KPNB1: variants seen among roughly 807,000 people sequenced by gnomAD.
KPNB1 encodes importin subunit beta-1.
A neutral mutation model predicts 113.0 loss-of-function variants in KPNB1; 7 were observed. The ratio of observed to expected loss-of-function variants is 0.06; its 90% confidence interval spans 0.04 to 0.12. The LOEUF is 0.12. KPNB1 is among the 10% of genes least tolerant of loss of function. KPNB1 has a pLI of 1.00. For synonymous variants in KPNB1, 363 were observed against 378.6 expected, an observed-to-expected ratio of 0.96 and a Z score of 0.48; for missense variants, 400 against 1,054.8, an observed-to-expected ratio of 0.38 and a Z score of 8.60.
chr17:47,666,394 TTGTGTGTGTG>T (rs140549997), intron 9 of KPNB1, among the ~76,000 whole-genome samples: 4 of 139,652 alleles, frequency 2.9e-5, no homozygotes, highest in Admixed American at 7.5e-5. Flanking sequence ...GTCTTTACTT[TTGTGTGTGTG>T]TGTGTGTGTG....
At position 47,658,582 on chromosome 17, in the gene KPNB1, T is replaced by G. The variant is rs778070866; in HGVS notation, c.558T>G (p.Pro186=). ...AIIQGMRKEE[P]SNNVKLAATN... is the part of the protein sequence containing the mutation. ...TCCAGGGGATGAGGAAAGAAGAGCC[T>G]AGTAATAATGTGAAGCTAGCTGCTA... Residue 186 remains proline (P), a synonymous_variant, in exon 5 of 22, where the codon CCT becomes CCG. Coordinates refer to ENST00000290158, the MANE Select transcript of KPNB1 (RefSeq NM_002265.6). 1.9e-6 allele frequency: 3 copies of G among 1,613,912 alleles called. No homozygotes were observed. Among genetic ancestry groups the G allele is most frequent in the Non-Finnish European group, 2.5e-6 (3 of 1,179,972 alleles).
In KPNB1 at chr17:47,650,457, C is replaced by A; in HGVS notation, c.99+13C>A. 6.3e-7 allele frequency: 1 copy of A among 1,596,676 alleles called. No homozygotes were observed. Among genetic ancestry groups the A allele is most frequent in the Non-Finnish European group, 8.5e-7 (1 of 1,173,230 alleles). On this transcript the variant is annotated intron_variant, in intron 2 of 21. Coordinates refer to ENST00000290158, the MANE Select transcript of KPNB1 (RefSeq NM_002265.6). ...CGTGGAGAACCTGGTGCGTGCTACC[C>A]CGCCGCGCCCATCCCGCCGCGTCCC...
intron 14 of KPNB1, chr17:47,673,769 A>T (rs1031173627): frequency 3.5e-6 from 2 of 568,100 alleles, no homozygotes; most frequent in Non-Finnish European, 6.3e-6. Context: ...TTCAAATCCT[A>T]CTTATTTACA....
chr17:47,654,622 A>G (rs1043442852), intron 3 of KPNB1, among the ~76,000 whole-genome samples: 4 of 152,076 alleles, frequency 2.6e-5, no homozygotes, highest in African/African-American at 9.7e-5. Context: ...ATAATTGAAT[A>G]TTACTATTAA....
At position 47,684,396 on chromosome 17, in the gene KPNB1, A is replaced by C. The variant is rs1182507446; in HGVS notation, c.*1992A>C. 6.6e-6 allele frequency: 1 copy of C among 152,060 alleles called. No individual in the cohort carries two copies. The highest frequency in any genetic ancestry group is 1.9e-4 in the East Asian group (1 of 5,198). The allele number at this position is 152,060 out of a possible 1,614,324, so 9.4% of individuals were successfully genotyped here. A position where few individuals can be genotyped will look rare whatever the true frequency, so the allele number is the denominator to read the frequency against. On this transcript the variant is annotated 3_prime_UTR_variant, in exon 22 of 22. Coordinates refer to ENST00000290158, the MANE Select transcript of KPNB1 (RefSeq NM_002265.6). The stretch of plus-strand genomic sequence containing the variant: ...TTGAAGGAGAGACGCTCCATTGTGA[A>C]TAAAGAGCTCATACCAGCTCCTAAG...
At chr17:47,654,242 C>T (rs1412038663) in intron 3 of KPNB1, among the ~76,000 whole-genome samples, 1 of 152,094 alleles carries the variant, frequency 6.6e-6, no homozygotes, top group African/African-American at 2.4e-5. Flanking sequence ...TGGCGAAACC[C>T]TGTCTCTACT....
intron 9 of KPNB1, among the ~76,000 whole-genome samples, chr17:47,666,001 G>A (rs547867210): frequency 2.6e-5 from 4 of 152,206 alleles, no homozygotes; most frequent in African/African-American, 2.4e-5. Context: ...AAAATGAACT[G>A]GGTGTTCCCT....
At position 47,675,371 on chromosome 17, in the gene KPNB1, TGTTTTTTTTTTTTGTTTG is replaced by T. The variant is rs1278395789; in HGVS notation, c.1912+590_1912+607del. The stretch of plus-strand genomic sequence containing the variant: ...ATTGGCAGAGGTGTTGTTTTTTTTT[TGTTTTTTTTTTTTGTTTG>T]TTTTTTTTTTGAGACTTGTTCTGTT... On this transcript the variant is annotated intron_variant, in intron 15 of 21. Transcript: ENST00000290158. Among the ~76,000 whole-genome samples, 46 of 120,588 alleles carry T rather than the reference TGTTTTTTTTTTTTGTTTG, an allele frequency of 3.8e-4. 8 individuals carry two copies. Among genetic ancestry groups the T allele is most frequent in the Admixed American group, 8.0e-4 (10 of 12,458 alleles). The allele number at this position is 120,588 out of a possible 152,430, so 79.1% of individuals were successfully genotyped here. A position where few individuals can be genotyped will look rare whatever the true frequency, so the allele number is the denominator to read the frequency against.
chr17:47,652,852 T>C lies in KPNB1; in HGVS notation c.258T>C (p.Asn86=). The C allele has an allele frequency of 1.9e-6, 3 of 1,601,460 alleles. No individual in the cohort carries two copies. The highest frequency in any genetic ancestry group is 2.6e-6 in the Non-Finnish European group (3 of 1,175,654). ...YQQRWLAIDA[N]ARREVKNYVL... ...AGAGGTGGCTTGCTATTGATGCTAA[T>C]GCTCGACGAGAAGTCAAGAACTATG... The change falls in exon 3 of 22, where the codon AAT becomes AAC. Residue 86 remains asparagine (N), a synonymous_variant. Coordinates refer to ENST00000290158, the MANE Select transcript of KPNB1 (RefSeq NM_002265.6).
At chr17:47,670,222 G>T in intron 11 of KPNB1, 1 of 262,508 alleles carries the variant, frequency 3.8e-6, no homozygotes, top group Non-Finnish European at 7.5e-6. Flanking sequence ...GGGAAGGAAG[G>T]TAGGCAGCCT....
chr17:47,668,172 T>C lies in KPNB1; in HGVS notation c.1000-14T>C. ...TTGGACAAAATCTTAACTAGTGCCA[T>C]ATTCTTTCACCAGGACGAAAATGAT... is the stretch of plus-strand genomic sequence containing the variant. On this transcript the variant is annotated splice_polypyrimidine_tract_variant and intron_variant, in intron 9 of 21. Coordinates refer to ENST00000290158, the MANE Select transcript of KPNB1 (RefSeq NM_002265.6). 6.2e-7 allele frequency: 1 copy of C among 1,609,054 alleles called. No individual in the cohort carries two copies. The highest frequency in any genetic ancestry group is 8.5e-7 in the Non-Finnish European group (1 of 1,175,888).
intron 2 of KPNB1, 83 bp downstream of exon 2, chr17:47,650,527 C>T (rs1915512069): frequency 1.6e-6 from 2 of 1,214,754 alleles, no homozygotes; most frequent in Non-Finnish European, 2.3e-6. Context: ...GAGGCCCAGG[C>T]CTCGGGAACC....
Position 47,650,437 on chromosome 17 carries a change from A to G in KPNB1, c.92A>G (p.Glu31Gly), listed in dbSNP as rs1915504140. 1 of 1,603,388 alleles carries G rather than the reference A, an allele frequency of 6.2e-7. No homozygotes were observed. The highest frequency in any genetic ancestry group is 8.5e-7 in the Non-Finnish European group (1 of 1,176,202). ...AQKFLERAAVENLPTFLVELS... is the reference protein window; with the variant it reads ...AQKFLERAAVGNLPTFLVELS... ...AAGTTCCTGGAGCGTGCGGCCGTGG[A>G]GAACCTGGTGCGTGCTACCCCGCCG... Residue 31 changes from glutamate to glycine, a missense_variant, in exon 2 of 22, where the codon GAG becomes GGG. Glu to Gly is a moderately conservative substitution (Grantham distance 98). Around this residue, in one of 2 missense-constraint regions of KPNB1, gnomAD observed 285 missense variants for 627.0 expected, o/e 0.45. Transcript: ENST00000290158.
In KPNB1 at chr17:47,668,420, A is replaced by T; in HGVS notation, c.1224+10A>T. Reference sequence around the variant, plus strand: ...ACCACTAGTTATACAGGTGAAACTGAGGGATTTTTGGAGTAGAAAGTAGGA... The same window carrying T: ...ACCACTAGTTATACAGGTGAAACTGTGGGATTTTTGGAGTAGAAAGTAGGA... On this transcript the variant is annotated intron_variant, in intron 10 of 21. Transcript: ENST00000290158. The T allele has an allele frequency of 6.2e-7, 1 of 1,605,446 alleles. No homozygotes were observed. The highest frequency in any genetic ancestry group is 8.5e-7 in the Non-Finnish European group (1 of 1,172,456).
intron 17 of KPNB1, 47 bp from the exon 18 acceptor site, chr17:47,677,999 C>G (rs1249416252): frequency 1.3e-6 from 2 of 1,576,510 alleles, no homozygotes. Flanking sequence ...AATCTTTGGA[C>G]CAAACAAGTT....
intron 3 of KPNB1, among the ~76,000 whole-genome samples, chr17:47,656,045 G>T (rs552407346): frequency 6.6e-6 from 1 of 152,074 alleles, no homozygotes; most frequent in East Asian, 1.9e-4. Context: ...CCTGAGGTCA[G>T]GAGTTTGAGA....
chr17:47,678,636 C>G (rs1432569285), intron 19 of KPNB1: 4 of 492,928 alleles, frequency 8.1e-6, no homozygotes, highest in Middle Eastern at 5.6e-4. Flanking sequence ...GAGACGGAGT[C>G]TCACTCTGTT....
intron 2 of KPNB1, chr17:47,651,173 T>G (rs572824760): frequency 1.0e-6 from 1 of 981,032 alleles, no homozygotes; most frequent in East Asian, 1.1e-4. Context: ...CAGGGGAAAG[T>G]TCCTCGTTTT....
intron 11 of KPNB1, 40 bp downstream of exon 11, chr17:47,669,909 GC>G: frequency 7.0e-7 from 1 of 1,436,958 alleles, no homozygotes; most frequent in Non-Finnish European, 9.7e-7. Flanking sequence ...GAGCTTGCCT[GC>G]GCCACTGGCA....
Sources: gnomAD v4.1 joint callset for allele counts (sites outside exome capture counted in the v4.1 genomes callset) on GRCh38, gnomAD v4.1.1 for gene constraint, gnomAD v4.1.1 regional missense constraint, MANE v1.5 for transcripts, NCBI Gene and HGNC (gene_info 2026-07-23, HGNC 2026-07-21) for gene names.